The following DNAH12 variants were observed in gnomAD, a reference collection of about 807,000 sequenced individuals.
DNAH12 encodes the protein dynein axonemal heavy chain 12, also known as axonemal beta dynein heavy chain 12.
A neutral mutation model predicts 371.5 loss-of-function variants in DNAH12; 285 were observed. That is an observed-to-expected ratio of 0.77 (90% CI 0.70 to 0.85). The LOEUF (loss-of-function observed/expected upper bound fraction) is 0.85, where lower values mean the gene tolerates loss of function less well. DNAH12 is among the 40% of genes least tolerant of loss of function. The pLI is 0.00. For missense variants in DNAH12, 3,611 were observed against 3,689.4 expected (o/e 0.98, Z 0.55); for synonymous variants, 1,200 against 1,213.0 (o/e 0.99, Z 0.22).
At chr3:57,485,437 C>A (rs1270734004) in intron 12 of DNAH12, among the ~76,000 whole-genome samples, 2 of 150,946 alleles carry the variant, frequency 1.3e-5, no homozygotes, top group African/African-American at 4.9e-5. Flanking sequence ...GAGACAGAGT[C>A]TCACTCTGTT....
chr3:57,505,534 G>A (rs191942823), intron 8 of DNAH12, among the ~76,000 whole-genome samples: 13 of 152,004 alleles, frequency 8.6e-5, no homozygotes, highest in African/African-American at 3.1e-4. Flanking sequence ...TCTGTCTCCC[G>A]GGTTCAAGCA....
At chr3:57,436,906 C>A in intron 30 of DNAH12, 45 bp downstream of exon 30, 2 of 1,254,920 alleles carry the variant, frequency 1.6e-6, no homozygotes, top group Non-Finnish European at 2.1e-6. Flanking sequence ...GTTTTACCAG[C>A]TTAATTAAGA....
chr3:57,429,665 A>G, intron 33 of DNAH12, 26 bp downstream of exon 33: 1 of 1,510,052 alleles, frequency 6.6e-7, no homozygotes, highest in Non-Finnish European at 8.8e-7. Context: ...TGAACAAACC[A>G]CCATTGTATT....
chr3:57,422,589 G>A (rs1248209315), intron 35 of DNAH12, among the ~76,000 whole-genome samples: 1 of 152,178 alleles, frequency 6.6e-6, no homozygotes, highest in African/African-American at 2.4e-5. Context: ...GATTGCTTGA[G>A]GCCAGGAATT....
chr3:57,456,388 G>A (rs1413194727), intron 22 of DNAH12, among the ~76,000 whole-genome samples: 1 of 152,166 alleles, frequency 6.6e-6, no homozygotes, highest in East Asian at 1.9e-4. Context: ...AAGCTTCGAT[G>A]CCTTTTAAAA....
Position 57,334,809 on chromosome 3 carries a change from C to G in DNAH12, c.9806G>C (p.Ser3269Thr). Residue 3269 changes from serine (S) to threonine (T), a missense_variant, in exon 61 of 74, where the codon AGT (serine) becomes ACT (threonine). Ser to Thr is a moderately conservative substitution (Grantham distance 58, BLOSUM62 1). Coordinates refer to ENST00000495027, the MANE Select transcript of DNAH12 (RefSeq NM_001366028.2). ...GAGTCCTCTGAAGGCAGGAAATTCA[C>G]TTGCCCGACAGATTTCCTCCCAGCT... ...DKSWEEICRA[S>T]EFPAFRGLRQ... The G allele has an allele frequency of 6.4e-7, 1 of 1,551,728 alleles. No individual in the cohort carries two copies. Among genetic ancestry groups the G allele is most frequent in the Non-Finnish European group, 8.7e-7 (1 of 1,146,992 alleles).
chr3:57,469,100 C>A (rs909870339), intron 16 of DNAH12, 121 bp from the exon 17 acceptor site: 7 of 881,118 alleles, frequency 7.9e-6, no homozygotes, highest in Non-Finnish European at 1.2e-5. Flanking sequence ...GAGCTGTTAA[C>A]AGTTTTTCTC....
Position 57,429,758 on chromosome 3 carries a change from C to T in DNAH12, c.4997G>A (p.Gly1666Glu). The change falls in exon 33 of 74, where the codon GGA (glycine) becomes GAA (glutamate). Residue 1666 changes from glycine to glutamate, a missense_variant. Gly to Glu is a moderately conservative substitution (Grantham distance 98, BLOSUM62 -2). Coordinates refer to ENST00000495027, the MANE Select transcript of DNAH12 (RefSeq NM_001366028.2). ...DDNKKLCLMS[G>E]EIIQMSPQMS... is the part of the protein sequence containing the mutation. ...TTGGGGGGACATCTGAATGATTTCT[C>T]CACTCATAAGGCAAAGCTAAAAGCA... 1 of 1,526,068 alleles carries T rather than the reference C, an allele frequency of 6.6e-7. No homozygotes were observed. Among genetic ancestry groups the T allele is most frequent in the Admixed American group, 2.2e-5 (1 of 45,796 alleles). 94.5% of individuals were successfully genotyped at this position (1,526,068 alleles called of 1,614,324 possible). A position where few individuals can be genotyped will look rare whatever the true frequency, so the allele number is the denominator to read the frequency against.
intron 62 of DNAH12, among the ~76,000 whole-genome samples, chr3:57,323,916 T>C (rs772539315): frequency 6.6e-5 from 10 of 152,200 alleles, no homozygotes; most frequent in South Asian, 2.1e-4. Flanking sequence ...AGATTGCATA[T>C]TGTCCCACTT....
At chr3:57,488,189 T>TTTTG (rs1020710975) in intron 12 of DNAH12, among the ~76,000 whole-genome samples, 177 of 152,122 alleles carry the variant, frequency 1.2e-3, no homozygotes, top group African/African-American at 3.9e-3. Flanking sequence ...TTCTTTTTGT[T>TTTTG]TTTGTTTGTT....
In DNAH12 at chr3:57,309,729, C is replaced by A. The variant is rs1339578503; in HGVS notation, c.11022G>T (p.Gln3674His). ...SLLLTQGGSK[Q>H]TGASGSTDQI... ...GATCAGTACTTCCTGAGGCTCCTGT[C>A]TGTTTGGAGCCTCCCTGGGTGAGGA... is the stretch of plus-strand genomic sequence containing the variant. The change falls in exon 68 of 74, where the codon CAG becomes CAT. Residue 3674 changes from glutamine (Q) to histidine (H), a missense_variant. Around this residue, in one of 3 missense-constraint regions of DNAH12, gnomAD observed 2,266 missense variants for 2,236.9 expected, o/e 1.01. Transcript: ENST00000495027. The A allele has an allele frequency of 6.4e-7, 1 of 1,550,538 alleles. No individual in the cohort carries two copies. The highest frequency in any genetic ancestry group is 1.4e-5 in the African/African-American group (1 of 72,992).
At chr3:57,311,816 A>G (rs1293362413) in intron 66 of DNAH12, among the ~76,000 whole-genome samples, 1 of 152,252 alleles carries the variant, frequency 6.6e-6, no homozygotes, top group Non-Finnish European at 1.5e-5. Context: ...AACAGCATAA[A>G]TCACACACTA....
At chr3:57,434,295 G>A (rs1490024642) in intron 30 of DNAH12, among the ~76,000 whole-genome samples, 1 of 152,082 alleles carries the variant, frequency 6.6e-6, no homozygotes, top group East Asian at 1.9e-4. Flanking sequence ...TGGAAATGAT[G>A]GGCATTACTT....
chr3:57,462,823 T>C lies in DNAH12; in HGVS notation c.2402A>G (p.His801Arg), dbSNP rs1242058391. The change falls in exon 18 of 74, where the codon CAC becomes CGC. Residue 801 changes from histidine to arginine, a missense_variant. Transcript: ENST00000495027. ...TACAATTTCTGATATCTGTTTCCAG[T>C]GACGAGCTCTCATTCCTGGATTGCA... ...ILCNPGMRAR[H>R]WKQISEIVGY... 1 of 1,551,388 alleles carries C rather than the reference T, an allele frequency of 6.4e-7. No homozygotes were observed. The highest frequency in any genetic ancestry group is 8.7e-7 in the Non-Finnish European group (1 of 1,146,946).
In DNAH12 at chr3:57,462,860, C is replaced by T. The variant is rs2066096692; in HGVS notation, c.2365G>A (p.Val789Ile). 3 of 1,550,860 alleles carry T rather than the reference C, an allele frequency of 1.9e-6. No individual in the cohort carries two copies. Among genetic ancestry groups the T allele is most frequent in the Admixed American group, 2.0e-5 (1 of 50,892 alleles). The change falls in exon 18 of 74, where the codon GTC (valine) becomes ATC (isoleucine). Residue 789 changes from valine (V) to isoleucine (I), a missense_variant. Physicochemically the swap from Val to Ile is conservative, Grantham distance 29 (BLOSUM62 3). Around this residue, in one of 3 missense-constraint regions of DNAH12, gnomAD observed 1,314 missense variants for 1,398.7 expected, o/e 0.94. Transcript: ENST00000495027. The part of the protein sequence containing the change: ...IKAFKEYIPT[V>I]SILCNPGMRA... ...ATTCCTGGATTGCACAGAATGGAGACAGTAGGAATATATTCCTAATGGCAA... is the reference window on the plus strand; with the variant it reads ...ATTCCTGGATTGCACAGAATGGAGATAGTAGGAATATATTCCTAATGGCAA...
chr3:57,543,970 C>T (rs1447086197), intron 1 of DNAH12, among the ~76,000 whole-genome samples: 1 of 152,100 alleles, frequency 6.6e-6, no homozygotes, highest in Non-Finnish European at 1.5e-5. Context: ...TCGCTTGAAC[C>T]TGGGAGGCAG....
intron 43 of DNAH12, among the ~76,000 whole-genome samples, chr3:57,402,231 T>C (rs2063893380): frequency 6.6e-6 from 1 of 152,188 alleles, no homozygotes. Flanking sequence ...GAAAAATCCA[T>C]TTCTCTATGC....
chr3:57,432,380 A>C (rs1206777695), intron 32 of DNAH12, among the ~76,000 whole-genome samples: 1 of 147,258 alleles, frequency 6.8e-6, no homozygotes, highest in Non-Finnish European at 1.5e-5. Context: ...GGGTTTCACC[A>C]TGTTGCTCAG....
chr3:57,446,001 A>G, intron 27 of DNAH12, 30 bp downstream of exon 27: 1 of 972,978 alleles, frequency 1.0e-6, no homozygotes, highest in Non-Finnish European at 1.4e-6. Context: ...CATAAAATAA[A>G]TAAATAAATA....
Sources: gnomAD v4.1 joint callset for allele counts (sites outside exome capture counted in the v4.1 genomes callset) on GRCh38, gnomAD v4.1.1 for gene constraint, gnomAD v4.1.1 regional missense constraint, MANE v1.5 for transcripts, NCBI Gene and HGNC (gene_info 2026-07-23, HGNC 2026-07-21) for gene names.